RNF121: variants seen among roughly 807,000 people sequenced by gnomAD.
RNF121 encodes the protein ring finger protein 121.
A neutral mutation model predicts 46.5 loss-of-function variants in RNF121; 21 were observed. The observed-to-expected ratio is 0.45, with a 90% CI of 0.32 to 0.65. The LOEUF is 0.65. RNF121 is among the 30% of genes least tolerant of loss of function. The pLI is 0.04. For synonymous variants in RNF121, 139 were observed against 144.7 expected, an observed-to-expected ratio of 0.96 and a Z score of 0.28; for missense variants, 346 against 416.0, an observed-to-expected ratio of 0.83 and a Z score of 1.46.
intron 3 of RNF121, among the ~76,000 whole-genome samples, chr11:71,965,475 G>T (rs1392826885): frequency 1.3e-5 from 2 of 151,906 alleles, no homozygotes; most frequent in Non-Finnish European, 2.9e-5. Flanking sequence ...GGAACTCCTG[G>T]GCTGAAGTGA....
At chr11:71,978,423 C>T (rs1166691192) in intron 3 of RNF121, among the ~76,000 whole-genome samples, 4 of 152,034 alleles carry the variant, frequency 2.6e-5, no homozygotes, top group Non-Finnish European at 2.9e-5. Flanking sequence ...TTTGTGTCTT[C>T]TGATAATTTA....
intron 2 of RNF121, among the ~76,000 whole-genome samples, chr11:71,958,722 A>G (rs1034373789): frequency 1.3e-5 from 2 of 152,274 alleles, no homozygotes; most frequent in Admixed American, 6.5e-5. Context: ...TAATATATGT[A>G]TATGTACCTA....
chr11:71,984,167 A>G (rs533759428), intron 4 of RNF121, among the ~76,000 whole-genome samples: 1 of 152,398 alleles, frequency 6.6e-6, no homozygotes, highest in South Asian at 2.1e-4. Flanking sequence ...ATATGAAGAA[A>G]AAGTGCAATA....
intron 8 of RNF121, among the ~76,000 whole-genome samples, chr11:71,995,977 C>G (rs970573394): frequency 1.3e-5 from 2 of 152,182 alleles, no homozygotes; most frequent in Admixed American, 1.3e-4. Context: ...GCTCTTTACC[C>G]CAACAGACAG....
At position 71,929,121 on chromosome 11, in the gene RNF121, T is replaced by G. The variant is rs78057754; in HGVS notation, c.60T>G (p.Asp20Glu). ...GGGAAGERELDEVDMSDLSPE... is the reference protein window; with the variant it reads ...GGGAAGERELEEVDMSDLSPE... ...GTGCTGCTGGGGAACGGGAGCTGGA[T>G]GAGGTAAGCGGAGTTGAGAGACGAG... is the stretch of plus-strand genomic sequence containing the variant. Residue 20 changes from aspartate (D) to glutamate (E), a missense_variant, in exon 1 of 9, where the codon GAT (aspartate) becomes GAG (glutamate). Asp to Glu is a conservative substitution (Grantham distance 45). Around this residue, in one of 2 missense-constraint regions of RNF121, gnomAD observed 60 missense variants for 32.2 expected, o/e 1.86. Transcript: ENST00000361756. The G allele has an allele frequency of 1.2e-4, 193 of 1,550,540 alleles. No individual in the cohort carries two copies. The African/African-American group carries it at 2.5e-3, about 20-fold the overall frequency.
At chr11:71,987,155 G>A (rs1954787806) in intron 5 of RNF121, 44 bp downstream of exon 5, 1 of 1,263,054 alleles carries the variant, frequency 7.9e-7, no homozygotes, top group African/African-American at 1.5e-5. Flanking sequence ...TTGGGGAGGA[G>A]TGACTGTTGA....
At chr11:71,957,547 C>T (rs979356935) in intron 2 of RNF121, among the ~76,000 whole-genome samples, 6 of 152,198 alleles carry the variant, frequency 3.9e-5, no homozygotes, top group African/African-American at 1.4e-4. Flanking sequence ...CACAACCTTA[C>T]TTTGCCCCAT....
chr11:71,941,378 A>C (rs577396739), intron 1 of RNF121, among the ~76,000 whole-genome samples: 3 of 152,318 alleles, frequency 2.0e-5, no homozygotes, highest in South Asian at 4.1e-4. Flanking sequence ...GTAAACATTT[A>C]TTAAGTTTGT....
chr11:71,988,763 A>T (rs1170849602), intron 5 of RNF121, among the ~76,000 whole-genome samples: 1 of 152,160 alleles, frequency 6.6e-6, no homozygotes, highest in African/African-American at 2.4e-5. Flanking sequence ...TCAAGGCTGC[A>T]GTGAGCTATG....
intron 4 of RNF121, among the ~76,000 whole-genome samples, chr11:71,984,745 A>ATTTTTTTTTTTTTT (rs56134788): frequency 3.2e-4 from 30 of 94,868 alleles, no homozygotes; most frequent in East Asian, 8.6e-4. Context: ...CACCCGGCTA[A>ATTTTTTTTTTTTTT]TTTTTTTTTT....
intron 3 of RNF121, among the ~76,000 whole-genome samples, chr11:71,976,125 C>T (rs1954521278): frequency 1.3e-5 from 2 of 152,068 alleles, no homozygotes; most frequent in African/African-American, 4.8e-5. Context: ...CTTCTCCAGG[C>T]TTAATATCCT....
At chr11:71,975,667 T>C (rs1334565735) in intron 3 of RNF121, among the ~76,000 whole-genome samples, 3 of 152,238 alleles carry the variant, frequency 2.0e-5, no homozygotes, top group Non-Finnish European at 2.9e-5. Context: ...GTCATTAGCA[T>C]GGCATCCAGT....
chr11:71,956,648 A>G (rs1030130330), intron 1 of RNF121, among the ~76,000 whole-genome samples: 3 of 152,230 alleles, frequency 2.0e-5, no homozygotes, highest in East Asian at 3.8e-4. Flanking sequence ...TTAGAGTCAC[A>G]TGGTGTTATA....
At chr11:71,953,671 TA>T (rs1361815979) in intron 1 of RNF121, among the ~76,000 whole-genome samples, 1 of 152,190 alleles carries the variant, frequency 6.6e-6, no homozygotes, top group Non-Finnish European at 1.5e-5. Flanking sequence ...GGGGTCTGTC[TA>T]AAGAGCCTAC....
Position 71,946,921 on chromosome 11 carries a change from G to A in RNF121, c.64-10306G>A, listed in dbSNP as rs140943548. On this transcript the variant is annotated intron_variant, in intron 1 of 8. Coordinates refer to ENST00000361756, the MANE Select transcript of RNF121 (RefSeq NM_018320.5). ...ATCGCTCTGTCACCCAGGCTGGAGT[G>A]CAGTTGCATGATCTCGGCTTGCTGC... Among the ~76,000 whole-genome samples the A allele has an allele frequency of 3.0e-3, 444 of 147,328 alleles. 5 individuals are homozygous for A. Among genetic ancestry groups the A allele is most frequent in the Non-Finnish European group, 4.3e-3 (286 of 67,276 alleles).
intron 3 of RNF121, among the ~76,000 whole-genome samples, chr11:71,961,966 AT>A (rs11399586): frequency 9.5e-4 from 128 of 134,232 alleles, no homozygotes; most frequent in East Asian, 5.9e-3. Context: ...ATCTGCAAAG[AT>A]TTTTTTTTTT....
At chr11:71,975,600 C>T (rs1351168551) in intron 3 of RNF121, among the ~76,000 whole-genome samples, 1 of 152,174 alleles carries the variant, frequency 6.6e-6, no homozygotes, top group African/African-American at 2.4e-5. Context: ...TTATTTGTTT[C>T]TCCTCAGTAG....
At chr11:71,959,935 C>G (rs1211150704) in intron 2 of RNF121, among the ~76,000 whole-genome samples, 1 of 152,188 alleles carries the variant, frequency 6.6e-6, no homozygotes, top group Non-Finnish European at 1.5e-5. Flanking sequence ...CGCGCCCGGC[C>G]TCTAATTCCT....
At chr11:71,990,328 G>A (rs1284047144) in intron 5 of RNF121, among the ~76,000 whole-genome samples, 4 of 152,178 alleles carry the variant, frequency 2.6e-5, no homozygotes, top group Admixed American at 2.6e-4. Flanking sequence ...GTTAGGGGAG[G>A]CAAGGACTAA....
Sources: gnomAD v4.1 joint callset for allele counts (sites outside exome capture counted in the v4.1 genomes callset) on GRCh38, gnomAD v4.1.1 for gene constraint, gnomAD v4.1.1 regional missense constraint, MANE v1.5 for transcripts, NCBI Gene and HGNC (gene_info 2026-07-23, HGNC 2026-07-21) for gene names.